STIP1: variants seen among roughly 807,000 people sequenced by gnomAD.
The protein encoded by STIP1 is stress induced phosphoprotein 1.
STIP1 carries 16 observed loss-of-function variants against 77.4 expected under a neutral mutation model. The observed-to-expected ratio is 0.21, with a 90% CI of 0.14 to 0.31. The LOEUF (loss-of-function observed/expected upper bound fraction) is 0.31. STIP1 is among the 10% of genes least tolerant of loss of function. The pLI is 1.00. For synonymous variants in STIP1, 258 were observed against 246.6 expected, an observed-to-expected ratio of 1.05 and a Z score of -0.44; for missense variants, 524 against 684.8, an observed-to-expected ratio of 0.77 and a Z score of 2.62.
upstream of STIP1, chr11:64,186,125 T>A: frequency 6.4e-7 from 1 of 1,550,654 alleles, no homozygotes; most frequent in Admixed American, 2.0e-5. Context: ...CTAGAAGAAC[T>A]CGACCAGTGA....
intron 7 of STIP1, 107 bp from the exon 8 acceptor site, chr11:64,197,747 G>T: frequency 6.4e-7 from 1 of 1,555,352 alleles, no homozygotes; most frequent in Non-Finnish European, 8.8e-7. Context: ...AAGACAAAAG[G>T]TGTTGAAGGC....
intron 1 of STIP1, chr11:64,186,657 C>G (rs932694397): frequency 5.6e-6 from 1 of 179,528 alleles, no homozygotes; most frequent in African/African-American, 2.4e-5. Context: ...CCGGGGTCCG[C>G]ACCCGCGAGG....
chr11:64,202,691 C>T (rs762835585), intron 10 of STIP1, 185 bp from the exon 11 acceptor site: 16 of 642,724 alleles, frequency 2.5e-5, no homozygotes, highest in Non-Finnish European at 4.4e-5. Context: ...ACATCAGCCT[C>T]TTGCAGAGTC....
At chr11:64,202,185 T>C (rs979444028) in intron 10 of STIP1, among the ~76,000 whole-genome samples, 15 of 152,258 alleles carry the variant, frequency 9.9e-5, no homozygotes, top group Non-Finnish European at 1.3e-4. Flanking sequence ...CTTGCCCACT[T>C]CTCCAAAAAT....
At chr11:64,198,910 C>T (rs575093108) in intron 8 of STIP1, among the ~76,000 whole-genome samples, 124 of 152,156 alleles carry the variant, frequency 8.1e-4, no homozygotes, top group African/African-American at 2.9e-3. Flanking sequence ...TAAAATCTTG[C>T]CAGCAATAGC....
At chr11:64,202,400 A>ATTTTTTTT (rs1174421253) in intron 10 of STIP1, 9 of 101,886 alleles carry the variant, frequency 8.8e-5, no homozygotes, top group African/African-American at 4.1e-4. Context: ...AGGCCAGCAA[A>ATTTTTTTT]TTTTTTTTTT....
At chr11:64,189,236 C>T (rs1348745966) in intron 1 of STIP1, among the ~76,000 whole-genome samples, 1 of 152,204 alleles carries the variant, frequency 6.6e-6, no homozygotes, top group African/African-American at 2.4e-5. Flanking sequence ...TGGCACGCGC[C>T]TGTAGTCCCG....
intron 1 of STIP1, among the ~76,000 whole-genome samples, chr11:64,187,151 G>C (rs1333790004): frequency 6.6e-6 from 1 of 152,156 alleles, no homozygotes; most frequent in Non-Finnish European, 1.5e-5. Context: ...GGCCGAGTTT[G>C]AAGCGGTTGC....
intron 1 of STIP1, 94 bp downstream of exon 1, chr11:64,186,364 G>A (rs1946017000): frequency 7.5e-7 from 1 of 1,340,820 alleles, no homozygotes; most frequent in Non-Finnish European, 9.8e-7. Context: ...GCCGGATCCA[G>A]GAGACCGGAG....
chr11:64,188,469 C>T (rs1478180063), intron 1 of STIP1, among the ~76,000 whole-genome samples: 2 of 152,088 alleles, frequency 1.3e-5, no homozygotes, highest in Non-Finnish European at 1.5e-5. Flanking sequence ...CTCACTGCAG[C>T]CTCAAGTTCC....
chr11:64,193,831 C>T lies in STIP1; in HGVS notation c.220-358C>T, dbSNP rs147052642. Among the ~76,000 whole-genome samples, 254 of 152,224 alleles carry T rather than the reference C, an allele frequency of 1.7e-3. 1 individual carries two copies. Among genetic ancestry groups the T allele is most frequent in the African/African-American group, 5.9e-3 (244 of 41,528 alleles). On this transcript the variant is annotated intron_variant, in intron 2 of 13. Coordinates refer to ENST00000305218, the MANE Select transcript of STIP1 (RefSeq NM_006819.3). ...GGTACAGTGGCTCACGCCTATAATCCCAGCACTTTGGGAGGTTGAGGCAGG... is the reference window on the plus strand; with the variant it reads ...GGTACAGTGGCTCACGCCTATAATCTCAGCACTTTGGGAGGTTGAGGCAGG...
intron 8 of STIP1, among the ~76,000 whole-genome samples, chr11:64,199,506 C>CAA (rs148843567): frequency 4.0e-5 from 4 of 100,542 alleles, no homozygotes; most frequent in East Asian, 3.0e-4. Flanking sequence ...GACTCTATCT[C>CAA]AAAAAAAAAA....
upstream of STIP1, chr11:64,185,933 G>T: frequency 1.3e-6 from 2 of 1,536,532 alleles, no homozygotes; most frequent in Middle Eastern, 1.7e-4. Flanking sequence ...AATCCGTGTC[G>T]CAGAAGTTCG....
In STIP1 at chr11:64,195,633, A is replaced by C; in HGVS notation, c.504-12A>C. The stretch of plus-strand genomic sequence containing the variant: ...ATTACAATTTTTCTTTATTTTTTTA[A>C]ATCAATACTAGGAAACTACAAGATC... On this transcript the variant is annotated splice_polypyrimidine_tract_variant and intron_variant, in intron 4 of 13. Transcript: ENST00000305218. 6.4e-7 allele frequency: 1 copy of C among 1,571,328 alleles called. No individual in the cohort carries two copies. Among genetic ancestry groups the C allele is most frequent in the African/African-American group, 1.4e-5 (1 of 72,892 alleles).
upstream of STIP1, chr11:64,186,157 G>A: frequency 1.3e-6 from 2 of 1,550,826 alleles, no homozygotes; most frequent in South Asian, 2.4e-5. Flanking sequence ...AGGGGCGGGA[G>A]CCGGGGTCCC....
rs985162731 is a variant in STIP1, at chr11:64,203,640, G to C, written c.1559+18G>C. The stretch of plus-strand genomic sequence containing the variant: ...CTCAGCGAGTACGTAGAGTCAGAGA[G>C]GCGGCCTTGCTGGAAATGGAGAACA... On this transcript the variant is annotated intron_variant, in intron 13 of 13. Coordinates refer to ENST00000305218, the MANE Select transcript of STIP1 (RefSeq NM_006819.3). 5 of 1,613,998 alleles carry C rather than the reference G, an allele frequency of 3.1e-6. No individual in the cohort carries two copies. Among genetic ancestry groups the C allele is most frequent in the African/African-American group, 1.3e-5 (1 of 74,938 alleles).
upstream of STIP1, chr11:64,186,063 G>C (rs541196030): frequency 7.1e-6 from 11 of 1,547,282 alleles, no homozygotes; most frequent in Non-Finnish European, 9.6e-6. Flanking sequence ...GAAGGAAGTG[G>C]AGATGATGGG....
chr11:64,186,411 G>T, intron 1 of STIP1, 141 bp downstream of exon 1: 2 of 967,862 alleles, frequency 2.1e-6, no homozygotes, highest in Non-Finnish European at 2.7e-6. Context: ...CGGCGGGGAG[G>T]TGAGGGCCGC....
At chr11:64,195,901 G>A in intron 5 of STIP1, 88 bp downstream of exon 5, 1 of 1,565,132 alleles carries the variant, frequency 6.4e-7, no homozygotes, top group Non-Finnish European at 8.7e-7. Flanking sequence ...GACCTTGATT[G>A]ACCATGATTA....
Sources: allele counts gnomAD v4.1 joint callset (sites outside exome capture counted in the v4.1 genomes callset), GRCh38; gene constraint gnomAD v4.1.1; transcripts MANE v1.5; gene names NCBI Gene and HGNC (gene_info 2026-07-23, HGNC 2026-07-21).